The following CNTNAP2 variants were observed in gnomAD, a reference collection of about 807,000 sequenced individuals.
The protein encoded by CNTNAP2 is contactin-associated protein-like 2.
In CNTNAP2, 98 loss-of-function variants were observed where a neutral mutation model predicts 155.2. That is an observed-to-expected ratio of 0.63 (90% CI 0.54 to 0.75). CNTNAP2 has a LOEUF of 0.75. Ranked by LOEUF, CNTNAP2 falls within the 30% of genes least tolerant of loss-of-function variation. The pLI, the probability that CNTNAP2 is intolerant of heterozygous loss-of-function variation, is 0.00. For missense variants in CNTNAP2, 1,727 were observed against 1,688.1 expected (o/e 1.02, Z -0.40); for synonymous variants, 651 against 631.2 (o/e 1.03, Z -0.47).
At chr7:147,395,915 G>A (rs967777939) in intron 10 of CNTNAP2, 135 bp downstream of exon 10, 76 of 860,924 alleles carry the variant, frequency 8.8e-5, no homozygotes, top group Middle Eastern at 5.6e-4. Context: ...TTCAAAGTAC[G>A]TATTGTAGTA....
intron 8 of CNTNAP2, among the ~76,000 whole-genome samples, chr7:147,197,920 T>A (rs1471971501): frequency 6.6e-6 from 1 of 152,196 alleles, no homozygotes; most frequent in Non-Finnish European, 1.5e-5. Flanking sequence ...ATTTGAAGAC[T>A]TTTGCAGAAA....
chr7:148,014,735 A>T (rs1251057826), intron 15 of CNTNAP2, among the ~76,000 whole-genome samples: 1 of 152,244 alleles, frequency 6.6e-6, no homozygotes, highest in Non-Finnish European at 1.5e-5. Flanking sequence ...TACAGCTTGG[A>T]GATCTCAACA....
intron 8 of CNTNAP2, among the ~76,000 whole-genome samples, chr7:147,176,049 TG>T (rs1563103537): frequency 6.6e-6 from 1 of 152,168 alleles, no homozygotes; most frequent in Non-Finnish European, 1.5e-5. Context: ...TAAAGCTTTT[TG>T]TATGGCTGGT....
At chr7:148,258,558 C>G (rs765429988) in intron 20 of CNTNAP2, among the ~76,000 whole-genome samples, 3 of 152,138 alleles carry the variant, frequency 2.0e-5, no homozygotes, top group Non-Finnish European at 4.4e-5. Flanking sequence ...GAGATGGTCT[C>G]CACTCTTCAA....
At chr7:147,501,830 G>C (rs1161648144) in intron 11 of CNTNAP2, among the ~76,000 whole-genome samples, 2 of 152,236 alleles carry the variant, frequency 1.3e-5, no homozygotes, top group Non-Finnish European at 1.5e-5. Context: ...AAACCCTACA[G>C]ACTCCACCAA....
intron 9 of CNTNAP2, among the ~76,000 whole-genome samples, chr7:147,353,988 T>A (rs1475619510): frequency 6.6e-6 from 1 of 151,856 alleles, no homozygotes; most frequent in African/African-American, 2.4e-5. Context: ...TGATGTTTTT[T>A]TTTTTCTTGT....
chr7:146,829,643 G>A (rs1803473034), intron 2 of CNTNAP2, among the ~76,000 whole-genome samples: 1 of 151,958 alleles, frequency 6.6e-6, no homozygotes, highest in Non-Finnish European at 1.5e-5. Flanking sequence ...AGACATAAAA[G>A]CACGTATACT....
chr7:146,510,284 G>C (rs1286325709), intron 1 of CNTNAP2, among the ~76,000 whole-genome samples: 1 of 152,206 alleles, frequency 6.6e-6, no homozygotes, highest in Non-Finnish European at 1.5e-5. Flanking sequence ...TAGTGCATGG[G>C]ATTGTGTGCC....
intron 8 of CNTNAP2, among the ~76,000 whole-genome samples, chr7:147,267,826 C>T (rs1393799863): frequency 1.3e-5 from 2 of 152,170 alleles, no homozygotes; most frequent in Non-Finnish European, 2.9e-5. Context: ...CAGTGACTTT[C>T]AGCTCTTCAT....
chr7:146,406,367 A>C (rs2129109753), intron 1 of CNTNAP2, among the ~76,000 whole-genome samples: 1 of 152,352 alleles, frequency 6.6e-6, no homozygotes, highest in Admixed American at 6.5e-5. Context: ...TTAATGATAA[A>C]CCAATGATTT....
chr7:147,715,745 T>A (rs550165111), intron 13 of CNTNAP2, among the ~76,000 whole-genome samples: 1 of 152,250 alleles, frequency 6.6e-6, no homozygotes, highest in South Asian at 2.1e-4. Context: ...TGATTTTTGG[T>A]GTTAAGTCTA....
chr7:146,839,810 G>A lies in CNTNAP2; in HGVS notation c.308G>A (p.Arg103Lys). 1.2e-6 allele frequency: 2 copies of A among 1,614,084 alleles called. No individual in the cohort carries two copies. Among genetic ancestry groups the A allele is most frequent in the Non-Finnish European group, 8.5e-7 (1 of 1,180,026 alleles). The change falls in exon 3 of 24, where the codon AGG becomes AAG. Residue 103 changes from arginine (R) to lysine (K), a missense_variant. Physicochemically the swap from Arg to Lys is conservative, Grantham distance 26. Transcript: ENST00000361727. The part of the protein sequence containing the change: ...KQISAIATQG[R>K]YSSSDWVTQY... ...ATCAGTGCCATTGCAACCCAAGGAAGGTATAGCAGCTCAGATTGGGTGACC... is the reference window on the plus strand; with the variant it reads ...ATCAGTGCCATTGCAACCCAAGGAAAGTATAGCAGCTCAGATTGGGTGACC...
rs965789275 is a variant in CNTNAP2, at chr7:148,409,597, A to G, written c.3796+126A>G. 4.4e-5 allele frequency: 35 copies of G among 804,070 alleles called. No homozygotes were observed. The African/African-American group carries it at 6.0e-4, about 14-fold the overall frequency. 49.8% of individuals were successfully genotyped at this position (804,070 alleles called of 1,614,324 possible). On this transcript the variant is annotated intron_variant, in intron 23 of 23. Transcript: ENST00000361727. ...TTACATTATTCATTTTGCTGTTTAA[A>G]GATTATGACATATGATGTGAAGAAA...
chr7:147,436,060 C>T (rs1797543094), intron 10 of CNTNAP2, among the ~76,000 whole-genome samples: 1 of 152,116 alleles, frequency 6.6e-6, no homozygotes, highest in African/African-American at 2.4e-5. Flanking sequence ...AACAATGGTG[C>T]CAGAGTAGTC....
intron 3 of CNTNAP2, among the ~76,000 whole-genome samples, chr7:146,896,251 A>AC (rs764721861): frequency 6.6e-6 from 1 of 151,872 alleles, no homozygotes; most frequent in Non-Finnish European, 1.5e-5. Flanking sequence ...ATTTATTATC[A>AC]CCCCCAACCC....
At chr7:148,212,111 G>A (rs1409266603) in intron 18 of CNTNAP2, among the ~76,000 whole-genome samples, 2 of 150,968 alleles carry the variant, frequency 1.3e-5, no homozygotes, top group Non-Finnish European at 2.9e-5. Context: ...AGTGCCAGCT[G>A]TTGTTTGCTT....
intron 14 of CNTNAP2, 91 bp downstream of exon 14, chr7:147,903,812 A>C (rs1322247428): frequency 1.2e-5 from 18 of 1,468,256 alleles, no homozygotes; most frequent in Non-Finnish European, 1.5e-5. Context: ...GAAAAGTGCT[A>C]TAATAATACG....
At chr7:147,120,777 C>A (rs1801093378) in intron 5 of CNTNAP2, among the ~76,000 whole-genome samples, 1 of 151,586 alleles carries the variant, frequency 6.6e-6, no homozygotes, top group African/African-American at 2.4e-5. Flanking sequence ...TGCTATCCCT[C>A]CCCCCTACCC....
intron 3 of CNTNAP2, among the ~76,000 whole-genome samples, chr7:146,929,321 G>A (rs1796691867): frequency 6.6e-6 from 1 of 152,172 alleles, no homozygotes; most frequent in Non-Finnish European, 1.5e-5. Flanking sequence ...TGATACCCAG[G>A]CAAACAGGGT....
Sources: gnomAD v4.1 joint callset for allele counts (sites outside exome capture counted in the v4.1 genomes callset) on GRCh38, gnomAD v4.1.1 for gene constraint, MANE v1.5 for transcripts, NCBI Gene and HGNC (gene_info 2026-07-23, HGNC 2026-07-21) for gene names.